Variants in DACH1 observed in about 807,000 individuals in gnomAD.
DACH1 encodes dachshund homolog 1.
DACH1 carries 12 observed loss-of-function variants against 54.2 expected under a neutral mutation model. The observed-to-expected ratio is 0.22, with a 90% CI of 0.14 to 0.36. The LOEUF (loss-of-function observed/expected upper bound fraction) is 0.36. Among genes scored for constraint, DACH1 ranks in the 10% least tolerant of loss-of-function variants. The pLI is 1.00. For missense variants in DACH1, 805 were observed against 929.8 expected, an observed-to-expected ratio of 0.87 and a Z score of 1.75; for synonymous variants, 386 against 366.2, an observed-to-expected ratio of 1.05 and a Z score of -0.62.
intron 10 of DACH1, among the ~76,000 whole-genome samples, chr13:71,454,065 G>GA (rs11397628): frequency 0.87 from 132,774 of 152,058 alleles, 60,579 homozygotes; most frequent in Non-Finnish European, 1. Flanking sequence ...AAACAGGCAA[G>GA]AAGCACATTG....
At chr13:71,579,784 T>C (rs1440249172) in intron 3 of DACH1, among the ~76,000 whole-genome samples, 1 of 152,138 alleles carries the variant, frequency 6.6e-6, no homozygotes, top group Admixed American at 6.6e-5. Flanking sequence ...TAAAATACTA[T>C]ATGTGCAGAA....
In DACH1 at chr13:71,573,004, G is replaced by A; in HGVS notation, c.1135C>T (p.Leu379Phe). The change falls in exon 4 of 11, where the codon CTT (leucine) becomes TTT (phenylalanine). Residue 379 changes from leucine to phenylalanine, a missense_variant. Leu to Phe is a conservative substitution (Grantham distance 22). Transcript: ENST00000613252. ...GDMNSSVGLE[L>F]PFMMMPHPLI... ...GGGTGGGGCATCATCATAAAAGGAA[G>A]TTCCAGTCCTATAAAAAATGCACAT... 1 of 1,613,526 alleles carries A rather than the reference G, an allele frequency of 6.2e-7. No individual in the cohort carries two copies. Among genetic ancestry groups the A allele is most frequent in the Non-Finnish European group, 8.5e-7 (1 of 1,179,762 alleles).
chr13:71,541,292 A>T (rs1593860295), intron 6 of DACH1, among the ~76,000 whole-genome samples: 2 of 152,188 alleles, frequency 1.3e-5, no homozygotes, highest in African/African-American at 4.8e-5. Flanking sequence ...AGTATCAGTT[A>T]CTCAAAGAAG....
chr13:71,735,802 T>C (rs56865577), intron 1 of DACH1, among the ~76,000 whole-genome samples: 2 of 151,962 alleles, frequency 1.3e-5, no homozygotes, highest in East Asian at 3.9e-4. Context: ...GGTAATCCAT[T>C]TCAAAATTTT....
intron 6 of DACH1, among the ~76,000 whole-genome samples, chr13:71,550,373 A>C (rs1364605637): frequency 6.6e-6 from 1 of 152,118 alleles, no homozygotes; most frequent in Non-Finnish European, 1.5e-5. Context: ...CCTGCCCTGA[A>C]GAAGTTTGGG....
chr13:71,807,723 C>A (rs956110795), intron 1 of DACH1, among the ~76,000 whole-genome samples: 1 of 152,082 alleles, frequency 6.6e-6, no homozygotes, highest in Non-Finnish European at 1.5e-5. Context: ...TGAAAATTGA[C>A]AGATACAGTA....
chr13:71,761,035 CTT>C (rs1192096715), intron 1 of DACH1, among the ~76,000 whole-genome samples: 1 of 151,762 alleles, frequency 6.6e-6, no homozygotes, highest in Non-Finnish European at 1.5e-5. Flanking sequence ...ATCTACTACT[CTT>C]TTACTCCGGG....
intron 7 of DACH1, 50 bp from the exon 8 acceptor site, chr13:71,479,366 T>G: frequency 6.4e-7 from 1 of 1,564,330 alleles, no homozygotes. Flanking sequence ...CAAAGCAAAT[T>G]TCGTTCATTA....
At chr13:71,520,826 T>A (rs1881545249) in intron 6 of DACH1, among the ~76,000 whole-genome samples, 1 of 151,930 alleles carries the variant, frequency 6.6e-6, no homozygotes, top group Non-Finnish European at 1.5e-5. Context: ...TAACATAGTG[T>A]TAATTCCAAT....
At chr13:71,498,578 T>A (rs1879638421) in intron 6 of DACH1, among the ~76,000 whole-genome samples, 1 of 151,032 alleles carries the variant, frequency 6.6e-6, no homozygotes. Context: ...GCCAAAAGAG[T>A]GATTCAAATG....
Position 71,559,813 on chromosome 13 carries a change from G to A in DACH1, c.1435+7C>T. On this transcript the variant is annotated splice_region_variant and intron_variant, in intron 5 of 10. Coordinates refer to ENST00000613252, the MANE Select transcript of DACH1 (RefSeq NM_080759.6). ...AAAATGGTGACAAGTAGAAGTATGA[G>A]ACCTACGGATTCTGTCAGAAGAGCT... 1 of 1,613,784 alleles carries A rather than the reference G, an allele frequency of 6.2e-7. No homozygotes were observed. The highest frequency in any genetic ancestry group is 8.5e-7 in the Non-Finnish European group (1 of 1,179,920).
intron 1 of DACH1, among the ~76,000 whole-genome samples, chr13:71,848,510 A>C (rs1289977890): frequency 6.6e-6 from 1 of 151,890 alleles, no homozygotes; most frequent in East Asian, 1.9e-4. Context: ...AGTTTTAAAA[A>C]TTCAGTTGGG....
chr13:71,653,625 T>C (rs1262079488), intron 2 of DACH1, among the ~76,000 whole-genome samples: 2 of 152,170 alleles, frequency 1.3e-5, no homozygotes, highest in Admixed American at 6.5e-5. Context: ...ACCAAAAATA[T>C]TAGAATATTT....
chr13:71,491,669 C>G (rs181875523), intron 6 of DACH1, among the ~76,000 whole-genome samples: 1 of 152,252 alleles, frequency 6.6e-6, no homozygotes, highest in East Asian at 1.9e-4. Flanking sequence ...CACAAACAAA[C>G]TACTTGAAGA....
chr13:71,586,027 C>T (rs1454107955), intron 3 of DACH1, among the ~76,000 whole-genome samples: 3 of 152,172 alleles, frequency 2.0e-5, no homozygotes, highest in African/African-American at 7.2e-5. Flanking sequence ...GTGGTTACTG[C>T]ATACTCTACT....
intron 4 of DACH1, among the ~76,000 whole-genome samples, chr13:71,560,907 T>G (rs2138385065): frequency 6.6e-6 from 1 of 152,318 alleles, no homozygotes; most frequent in South Asian, 2.1e-4. Context: ...GGAAGAAAAC[T>G]ATATAAAGTA....
intron 4 of DACH1, among the ~76,000 whole-genome samples, chr13:71,570,142 CA>C (rs1885109835): frequency 1.3e-5 from 2 of 152,134 alleles, no homozygotes; most frequent in Admixed American, 1.3e-4. Context: ...TACATTTAGA[CA>C]GGTTGATTTG....
At position 71,624,648 on chromosome 13, in the gene DACH1, T is replaced by A. The variant is rs562703955; in HGVS notation, c.1126+5908A>T. Among the ~76,000 whole-genome samples the A allele has an allele frequency of 2.0e-5, 3 of 152,050 alleles. No individual in the cohort carries two copies. The South Asian group carries it at 6.2e-4, about 32-fold the overall frequency. On this transcript the variant is annotated intron_variant, in intron 3 of 10. Transcript: ENST00000613252. The stretch of plus-strand genomic sequence containing the variant: ...AAAAAACTTTCTACATTTAATCTGT[T>A]AAACAATAGCAAATTTCTTGTGAAT...
chr13:71,477,091 T>TAC (rs1877599182), intron 8 of DACH1, among the ~76,000 whole-genome samples: 1 of 48,696 alleles, frequency 2.1e-5, no homozygotes, highest in Admixed American at 3.1e-4. Flanking sequence ...TATATATATA[T>TAC]ATATATATAT....
Sources: allele counts gnomAD v4.1 joint callset (sites outside exome capture counted in the v4.1 genomes callset), GRCh38; gene constraint gnomAD v4.1.1; transcripts MANE v1.5; gene names NCBI Gene and HGNC (gene_info 2026-07-23, HGNC 2026-07-21).